The following CNGB1 variants were observed in gnomAD, a reference collection of about 807,000 sequenced individuals.
CNGB1 encodes cyclic nucleotide gated channel subunit beta 1, also known as cyclic nucleotide-gated channel beta-1.
Under a neutral mutation model 151.7 loss-of-function variants are expected in CNGB1, and 126 were observed. That is an observed-to-expected ratio of 0.83 (90% CI 0.72 to 0.96). CNGB1 has a LOEUF of 0.96. Ranked by LOEUF, CNGB1 falls within the 40% of genes least tolerant of loss-of-function variation. The pLI, the probability that CNGB1 is intolerant of heterozygous loss-of-function variation, is 0.00. For synonymous variants in CNGB1, 623 were observed against 635.1 expected, an observed-to-expected ratio of 0.98 and a Z score of 0.29; for missense variants, 1,698 against 1,627.0, an observed-to-expected ratio of 1.04 and a Z score of -0.75.
chr16:57,912,457 C>T (rs1427866176), intron 24 of CNGB1, among the ~76,000 whole-genome samples: 1 of 152,156 alleles, frequency 6.6e-6, no homozygotes, highest in African/African-American at 2.4e-5. Context: ...AAACATTTCT[C>T]TGGGAAAGAG....
intron 25 of CNGB1, 86 bp from the exon 26 acceptor site, chr16:57,904,961 A>T: frequency 6.5e-7 from 1 of 1,535,942 alleles, no homozygotes; most frequent in Non-Finnish European, 9.0e-7. Flanking sequence ...CCTCTGATAG[A>T]TGCATGTTGT....
rs1443101276 is a variant in CNGB1, at chr16:57,882,388, G to A, written c.*1776C>T. Reference sequence around the variant, plus strand: ...GGTCAATCATCACTATATTCAATGTGATGATTACCCGGATCACGTGACAAG... The same window carrying A: ...GGTCAATCATCACTATATTCAATGTAATGATTACCCGGATCACGTGACAAG... On this transcript the variant is annotated 3_prime_UTR_variant, in exon 33 of 33. Transcript: ENST00000251102. The A allele has an allele frequency of 6.6e-6, 1 of 151,550 alleles. No homozygotes were observed. Among genetic ancestry groups the A allele is most frequent in the Non-Finnish European group, 1.5e-5 (1 of 67,942 alleles). 9.4% of individuals were successfully genotyped at this position (151,550 alleles called of 1,614,324 possible). A position where few individuals can be genotyped will look rare whatever the true frequency, so the allele number is the denominator to read the frequency against.
At chr16:57,928,605 T>G (rs1171130985) in intron 17 of CNGB1, among the ~76,000 whole-genome samples, 1 of 152,204 alleles carries the variant, frequency 6.6e-6, no homozygotes, top group Non-Finnish European at 1.5e-5. Context: ...ATTATTTTTC[T>G]AGTGTTCTGT....
intron 31 of CNGB1, among the ~76,000 whole-genome samples, chr16:57,896,992 C>T (rs960696102): frequency 2.6e-5 from 4 of 151,896 alleles, no homozygotes; most frequent in African/African-American, 7.3e-5. Context: ...TGTTTCAATA[C>T]GAAATTTCCT....
Position 57,940,286 on chromosome 16 carries a change from C to A in CNGB1, c.1157G>T (p.Gly386Val), listed in dbSNP as rs759200502. ...CCCGTCTTCTTCACTCTGGCCCACG[C>A]CCACCTGCGACACCACACAGCTATC... ...LLDSCVVSQV[G>V]VGQSEEDGTR... The change falls in exon 15 of 33, where the codon GGC becomes GTC. Residue 386 changes from glycine (G) to valine (V), a missense_variant. Physicochemically the swap from Gly to Val is moderately radical, Grantham distance 109. Transcript: ENST00000251102. 12 of 1,583,226 alleles carry A rather than the reference C, an allele frequency of 7.6e-6. No homozygotes were observed. In the Admixed American group the frequency reaches 9.2e-5, roughly 12 times the overall value.
intron 24 of CNGB1, 69 bp downstream of exon 24, chr16:57,912,861 A>G (rs1404444086): frequency 2.1e-6 from 3 of 1,453,868 alleles, no homozygotes; most frequent in Non-Finnish European, 1.9e-6. Flanking sequence ...TTGTGTGTGT[A>G]TTGCGTGTGT....
At chr16:57,963,213 C>G (rs1962306986) in intron 4 of CNGB1, 149 bp from the exon 5 acceptor site, 2 of 764,106 alleles carry the variant, frequency 2.6e-6, no homozygotes, top group African/African-American at 1.7e-5. Context: ...CCTACATGTA[C>G]CACTGGCCCA....
At chr16:57,920,825 A>C (rs1267742664) in intron 18 of CNGB1, among the ~76,000 whole-genome samples, 2 of 152,126 alleles carry the variant, frequency 1.3e-5, no homozygotes, top group African/African-American at 2.4e-5. Context: ...GCGTGACTCC[A>C]CTTGTAATTT....
At chr16:57,924,136 G>A (rs1236213402) in intron 17 of CNGB1, among the ~76,000 whole-genome samples, 1 of 152,176 alleles carries the variant, frequency 6.6e-6, no homozygotes, top group Non-Finnish European at 1.5e-5. Flanking sequence ...GAGCCTGGGT[G>A]TCTGACTTGG....
At position 57,967,113 on chromosome 16, in the gene CNGB1, C is replaced by A. The variant is rs567260175; in HGVS notation, c.159+15G>T. ...AGCGAGGCCGGCCTGCCCCTCCTCC[C>A]GCTCTACCTCTCACCATGGACTCGG... On this transcript the variant is annotated intron_variant, in intron 2 of 32. Coordinates refer to ENST00000251102, the MANE Select transcript of CNGB1 (RefSeq NM_001297.5). The A allele has an allele frequency of 6.2e-7, 1 of 1,614,068 alleles. No homozygotes were observed. Among genetic ancestry groups the A allele is most frequent in the Non-Finnish European group, 8.5e-7 (1 of 1,180,018 alleles).
chr16:57,930,069 T>C (rs1247689286), intron 17 of CNGB1, among the ~76,000 whole-genome samples: 1 of 152,196 alleles, frequency 6.6e-6, no homozygotes, highest in East Asian at 1.9e-4. Flanking sequence ...GATCCAGCAG[T>C]CCCTGTTCTG....
At chr16:57,925,168 ATT>A (rs879880209) in intron 17 of CNGB1, among the ~76,000 whole-genome samples, 2 of 143,582 alleles carry the variant, frequency 1.4e-5, no homozygotes, top group Admixed American at 7.0e-5. Context: ...ACACCAGCTA[ATT>A]TTTTTTTTTT....
intron 22 of CNGB1, among the ~76,000 whole-genome samples, chr16:57,915,587 G>C (rs1201382587): frequency 6.6e-6 from 1 of 152,190 alleles, no homozygotes; most frequent in East Asian, 1.9e-4. Context: ...AGGGGCGGGA[G>C]TGGTACAGAC....
chr16:57,916,463 A>T (rs565456889), intron 21 of CNGB1, among the ~76,000 whole-genome samples: 1 of 152,316 alleles, frequency 6.6e-6, no homozygotes, highest in African/African-American at 2.4e-5. Context: ...GACCATTTGC[A>T]CATCTGTTTA....
chr16:57,923,480 C>T (rs1436766813), intron 17 of CNGB1, 100 bp from the exon 18 acceptor site: 10 of 961,036 alleles, frequency 1.0e-5, no homozygotes, highest in Non-Finnish European at 1.6e-5. Flanking sequence ...GAGCCAATTC[C>T]TAGATAGAGG....
chr16:57,942,042 T>C (rs1282513051), intron 14 of CNGB1, among the ~76,000 whole-genome samples: 2 of 152,100 alleles, frequency 1.3e-5, no homozygotes, highest in East Asian at 3.9e-4. Context: ...TGGTTTGGTT[T>C]GGTTTGGTTT....
At chr16:57,922,409 T>G (rs927311538) in intron 18 of CNGB1, among the ~76,000 whole-genome samples, 1 of 136,296 alleles carries the variant, frequency 7.3e-6, no homozygotes, top group African/African-American at 2.6e-5. Flanking sequence ...AGTGGTTTCT[T>G]TCTCTCTTTC....
chr16:57,971,027 G>T (rs965550550), intron 1 of CNGB1, 33 bp downstream of exon 1: 1 of 151,258 alleles, frequency 6.6e-6, no homozygotes, highest in African/African-American at 2.4e-5. Context: ...TCCCCTCGGG[G>T]TCCCACCGAG....
chr16:57,949,390 C>T lies in CNGB1; in HGVS notation c.1084G>A (p.Glu362Lys), dbSNP rs546679219. 6.2e-7 allele frequency: 1 copy of T among 1,613,432 alleles called. No individual in the cohort carries two copies. Among genetic ancestry groups the T allele is most frequent in the South Asian group, 1.1e-5 (1 of 91,088 alleles). ...TCCTCTTCCTCCTCCTCCTCCTCTT[C>T]CTCTTCCTCCTCCTCATCTTCTTTC... ...EEKEDEEEEE[E>K]EEEEEEEEEV... Residue 362 changes from glutamate (E) to lysine (K), a missense_variant, in exon 14 of 33, where the codon GAA (glutamate) becomes AAA (lysine). Coordinates refer to ENST00000251102, the MANE Select transcript of CNGB1 (RefSeq NM_001297.5).
Sources: allele counts gnomAD v4.1 joint callset (sites outside exome capture counted in the v4.1 genomes callset), GRCh38; gene constraint gnomAD v4.1.1; transcripts MANE v1.5; gene names NCBI Gene and HGNC (gene_info 2026-07-23, HGNC 2026-07-21).